EEFSEC: variants seen among roughly 807,000 people sequenced by gnomAD.
EEFSEC encodes the protein selenocysteine-specific elongation factor.
A neutral mutation model predicts 42.1 loss-of-function variants in EEFSEC; 43 were observed. The ratio of observed to expected loss-of-function variants is 1.02; its 90% CI spans 0.80 to 1.32. The LOEUF (loss-of-function observed/expected upper bound fraction) is 1.32. EEFSEC is among the 40% of genes most tolerant of loss of function. The probability of loss-of-function intolerance (pLI) is 0.00; values close to 1 mark genes in which losing one functional copy is unlikely to be tolerated. For missense variants in EEFSEC, 745 were observed against 803.6 expected, an observed-to-expected ratio of 0.93 and a Z score of 0.88; for synonymous variants, 354 against 339.1, an observed-to-expected ratio of 1.04 and a Z score of -0.48.
At chr3:128,275,255 G>T (rs1576599222) in intron 4 of EEFSEC, among the ~76,000 whole-genome samples, 2 of 152,344 alleles carry the variant, frequency 1.3e-5, no homozygotes, top group South Asian at 2.1e-4. Context: ...CTGTGTAAAT[G>T]GCAATTGACA....
At chr3:128,298,121 A>G (rs1434602143) in intron 4 of EEFSEC, among the ~76,000 whole-genome samples, 2 of 152,226 alleles carry the variant, frequency 1.3e-5, no homozygotes. Flanking sequence ...TGCCTGGATC[A>G]TCTTCTCTTA....
At chr3:128,215,159 C>G (rs1411555206) in intron 1 of EEFSEC, among the ~76,000 whole-genome samples, 1 of 152,142 alleles carries the variant, frequency 6.6e-6, no homozygotes, top group Non-Finnish European at 1.5e-5. Context: ...TATATTATGG[C>G]TCTCAGCAAC....
chr3:128,257,196 A>T (rs916555203), intron 2 of EEFSEC, among the ~76,000 whole-genome samples: 1 of 152,086 alleles, frequency 6.6e-6, no homozygotes, highest in Non-Finnish European at 1.5e-5. Flanking sequence ...TTTGCATATG[A>T]TTGTTTCTCT....
chr3:128,263,031 T>C (rs2066314962), intron 3 of EEFSEC, among the ~76,000 whole-genome samples: 1 of 152,210 alleles, frequency 6.6e-6, no homozygotes, highest in Non-Finnish European at 1.5e-5. Flanking sequence ...TGGAAGATAA[T>C]AGCACATACC....
chr3:128,387,813 G>A (rs1451565559), intron 6 of EEFSEC, among the ~76,000 whole-genome samples: 2 of 152,192 alleles, frequency 1.3e-5, no homozygotes, highest in Non-Finnish European at 2.9e-5. Flanking sequence ...CGAGTGTATG[G>A]AGCCCCGCTT....
At chr3:128,333,218 C>G (rs1361333903) in intron 4 of EEFSEC, among the ~76,000 whole-genome samples, 1 of 152,234 alleles carries the variant, frequency 6.6e-6, no homozygotes, top group Non-Finnish European at 1.5e-5. Context: ...TACAAAATCT[C>G]TGCACATTAG....
At chr3:128,218,438 T>C (rs2065831313) in intron 1 of EEFSEC, among the ~76,000 whole-genome samples, 1 of 152,236 alleles carries the variant, frequency 6.6e-6, no homozygotes, top group Non-Finnish European at 1.5e-5. Flanking sequence ...TTAGTTGCTT[T>C]AAGCAAACAG....
intron 5 of EEFSEC, among the ~76,000 whole-genome samples, chr3:128,357,128 G>A (rs909006891): frequency 6.6e-6 from 1 of 152,260 alleles, no homozygotes; most frequent in Non-Finnish European, 1.5e-5. Flanking sequence ...GTTTGCTACT[G>A]GAGGCAGGAT....
At chr3:128,197,398 G>A (rs1314384169) in intron 1 of EEFSEC, among the ~76,000 whole-genome samples, 1 of 152,178 alleles carries the variant, frequency 6.6e-6, no homozygotes, top group Non-Finnish European at 1.5e-5. Flanking sequence ...AGCCTCCCAA[G>A]TAGCTGGGAT....
chr3:128,414,033 G>C, the EEFSEC span, among the ~76,000 whole-genome samples: 1 of 152,206 alleles, frequency 6.6e-6, no homozygotes, highest in African/African-American at 2.4e-5. Flanking sequence ...GCTCCGACCC[G>C]CCTGTCTTCA....
At chr3:128,324,370 G>T (rs1322707656) in intron 4 of EEFSEC, among the ~76,000 whole-genome samples, 1 of 152,128 alleles carries the variant, frequency 6.6e-6, no homozygotes, top group Admixed American at 6.5e-5. Context: ...GCCATGGAGT[G>T]GGGGGCTTCT....
At chr3:128,352,684 C>T (rs1422446684) in intron 5 of EEFSEC, among the ~76,000 whole-genome samples, 1 of 152,210 alleles carries the variant, frequency 6.6e-6, no homozygotes, top group African/African-American at 2.4e-5. Context: ...TGTGGTGTGT[C>T]TGAGGGAGTC....
intron 4 of EEFSEC, among the ~76,000 whole-genome samples, chr3:128,295,648 T>C (rs954944346): frequency 1.1e-4 from 16 of 149,166 alleles, no homozygotes; most frequent in African/African-American, 4.0e-4. Flanking sequence ...GGTGAGAAGA[T>C]GGAGAAGGAC....
chr3:128,261,248 C>T (rs956103909), intron 2 of EEFSEC, among the ~76,000 whole-genome samples: 5 of 152,230 alleles, frequency 3.3e-5, no homozygotes, highest in Middle Eastern at 3.2e-3. Context: ...ATCAGTTAGA[C>T]TCCCTAAGCC....
chr3:128,317,345 T>G lies in EEFSEC; in HGVS notation c.787-23888T>G, dbSNP rs1243820552. Among the ~76,000 whole-genome samples the G allele has an allele frequency of 2.0e-5, 3 of 152,324 alleles. No homozygotes were observed. The East Asian group carries it at 5.8e-4, about 29-fold the overall frequency. The stretch of plus-strand genomic sequence containing the variant: ...CCAGACTTGTAAGCCTGGCCTGTTC[T>G]CCGCCCCGCTGCTGGAGCTCAGACG... On this transcript the variant is annotated intron_variant, in intron 4 of 6. Coordinates refer to ENST00000254730, the MANE Select transcript of EEFSEC (RefSeq NM_021937.5). The surrounding 1 kb of genome is among the most constrained non-coding windows in gnomAD (Gnocchi z 4.1).
intron 4 of EEFSEC, 93 bp from the exon 5 acceptor site, chr3:128,341,135 GGTGGT>G (rs2067245248): frequency 1.4e-6 from 2 of 1,427,310 alleles, no homozygotes; most frequent in Non-Finnish European, 1.9e-6. Context: ...GCCTGCAGGT[GGTGGT>G]AAGCACAGGA....
At chr3:128,209,269 T>G (rs2107829524) in intron 1 of EEFSEC, among the ~76,000 whole-genome samples, 1 of 152,338 alleles carries the variant, frequency 6.6e-6, no homozygotes, top group Admixed American at 6.5e-5. Flanking sequence ...GTACAGTGTT[T>G]GTACTAGGTG....
At chr3:128,339,041 CACTGGGCAGACG>C (rs1292627948) in intron 4 of EEFSEC, among the ~76,000 whole-genome samples, 1 of 152,198 alleles carries the variant, frequency 6.6e-6, no homozygotes, top group Admixed American at 6.5e-5. Flanking sequence ...GGCCCCACCT[CACTGGGCAGACG>C]ACGCTTAGTG....
At chr3:128,278,777 T>G (rs1004455038) in intron 4 of EEFSEC, among the ~76,000 whole-genome samples, 1 of 152,130 alleles carries the variant, frequency 6.6e-6, no homozygotes, top group African/African-American at 2.4e-5. Context: ...CATATTAGGG[T>G]GCAGGGGAGG....
Sources: allele counts gnomAD v4.1 joint callset (sites outside exome capture counted in the v4.1 genomes callset), GRCh38; gene constraint gnomAD v4.1.1; non-coding constraint Gnocchi (gnomAD v3.1); transcripts MANE v1.5; gene names NCBI Gene and HGNC (gene_info 2026-07-23, HGNC 2026-07-21).